The following SNTG1 variants were observed in gnomAD, a reference collection of about 807,000 sequenced individuals.
SNTG1 encodes syntrophin gamma 1.
Under a neutral mutation model 74.7 loss-of-function variants are expected in SNTG1, and 39 were observed. That is an observed-to-expected ratio of 0.52 (90% CI 0.40 to 0.68). SNTG1 has a LOEUF of 0.68. Ranked by LOEUF, SNTG1 falls within the 30% of genes least tolerant of loss-of-function variation. SNTG1 has a pLI of 0.00. For missense variants in SNTG1, 685 were observed against 609.5 expected, an observed-to-expected ratio of 1.12 and a Z score of -1.30; for synonymous variants, 254 against 217.1, an observed-to-expected ratio of 1.17 and a Z score of -1.49.
intron 1 of SNTG1, among the ~76,000 whole-genome samples, chr8:49,959,896 G>A (rs1810525212): frequency 6.6e-6 from 1 of 152,132 alleles, no homozygotes; most frequent in South Asian, 2.1e-4. Context: ...ATCCTTTAAG[G>A]TAAAATGGAT....
At chr8:50,710,030 G>A (rs73678631) in intron 17 of SNTG1, among the ~76,000 whole-genome samples, 2,312 of 152,250 alleles carry the variant, frequency 0.015, 50 homozygotes, top group African/African-American at 0.052. Flanking sequence ...CTTGAGTTGG[G>A]AAAGATGAAT....
chr8:50,263,337 CAT>C (rs2087291932), intron 2 of SNTG1, among the ~76,000 whole-genome samples: 1 of 151,830 alleles, frequency 6.6e-6, no homozygotes, highest in Admixed American at 6.6e-5. Context: ...GATGATAAGA[CAT>C]ATAGAAAGAA....
chr8:49,942,967 C>CA (rs112859882), intron 1 of SNTG1, among the ~76,000 whole-genome samples: 4 of 152,248 alleles, frequency 2.6e-5, no homozygotes, highest in African/African-American at 7.2e-5. Flanking sequence ...TTATTATCTA[C>CA]AAAAAATATT....
chr8:50,489,719 T>C (rs2093833300), intron 8 of SNTG1, among the ~76,000 whole-genome samples: 1 of 152,224 alleles, frequency 6.6e-6, no homozygotes, highest in Non-Finnish European at 1.5e-5. Flanking sequence ...TCCCATTCTG[T>C]AGGTTGCCTG....
At chr8:50,064,477 CTTT>C (rs1820741626) in intron 1 of SNTG1, among the ~76,000 whole-genome samples, 2 of 152,294 alleles carry the variant, frequency 1.3e-5, no homozygotes, top group East Asian at 3.9e-4. Flanking sequence ...CCCGTTTGCA[CTTT>C]TTACCTTTGC....
chr8:49,978,046 G>A (rs16914130), intron 1 of SNTG1, among the ~76,000 whole-genome samples: 3,499 of 152,250 alleles, frequency 0.023, 135 homozygotes, highest in African/African-American at 0.078. Flanking sequence ...TATTTCCCAC[G>A]GGGCCTGTTG....
At position 50,637,728 on chromosome 8, in the gene SNTG1, G is replaced by A. The variant is rs574141475; in HGVS notation, c.850-19181G>A. 7.2e-4 allele frequency among the ~76,000 whole-genome samples: 110 copies of A among 151,850 alleles called. 1 individual carries two copies. The highest frequency in any genetic ancestry group is 1.9e-3 in the African/African-American group (79 of 41,432). On this transcript the variant is annotated intron_variant, in intron 13 of 18. Coordinates refer to ENST00000642720, the MANE Select transcript of SNTG1 (RefSeq NM_018967.5). ...CCCAGAAATAATTTGAATTGTTTAC[G>A]AATATATTTAAATTAGTCATATCAA...
At chr8:49,997,065 A>G (rs1814292407) in intron 1 of SNTG1, among the ~76,000 whole-genome samples, 1 of 152,142 alleles carries the variant, frequency 6.6e-6, no homozygotes, top group African/African-American at 2.4e-5. Context: ...CTACTTACTT[A>G]CTTTGTCCTT....
chr8:50,070,460 T>A (rs753654190), intron 1 of SNTG1, among the ~76,000 whole-genome samples: 1 of 152,196 alleles, frequency 6.6e-6, no homozygotes, highest in Non-Finnish European at 1.5e-5. Context: ...CAATCTGATT[T>A]TTTTTCCTCT....
intron 2 of SNTG1, among the ~76,000 whole-genome samples, chr8:50,287,898 C>T (rs1412208704): frequency 6.8e-6 from 1 of 146,900 alleles, no homozygotes; most frequent in Non-Finnish European, 1.6e-5. Context: ...CCTTTCCACC[C>T]CTCTGTGTCC....
At chr8:50,660,979 C>T (rs905283783) in intron 15 of SNTG1, among the ~76,000 whole-genome samples, 2 of 152,072 alleles carry the variant, frequency 1.3e-5, no homozygotes, top group African/African-American at 4.8e-5. Flanking sequence ...CCATCATTTG[C>T]TTGTATTCAT....
chr8:50,724,338 CT>C (rs749722239), intron 17 of SNTG1, among the ~76,000 whole-genome samples: 7 of 152,122 alleles, frequency 4.6e-5, no homozygotes, highest in Admixed American at 2.0e-4. Flanking sequence ...ATGTTTTCCT[CT>C]TATCTGAGTT....
chr8:50,637,250 G>A (rs552938615), intron 13 of SNTG1, among the ~76,000 whole-genome samples: 2 of 152,128 alleles, frequency 1.3e-5, no homozygotes, highest in Middle Eastern at 3.4e-3. Context: ...GGTGTTTTAC[G>A]ATGATTAAAA....
chr8:50,070,136 A>G (rs1226287080), intron 1 of SNTG1, among the ~76,000 whole-genome samples: 1 of 152,218 alleles, frequency 6.6e-6, no homozygotes, highest in Non-Finnish European at 1.5e-5. Context: ...AGGTATTTTA[A>G]TGCAAATCAA....
At chr8:50,425,832 G>T (rs572039002) in intron 4 of SNTG1, among the ~76,000 whole-genome samples, 41 of 152,144 alleles carry the variant, frequency 2.7e-4, no homozygotes, top group Non-Finnish European at 5.0e-4. Context: ...AAACACTTAG[G>T]AGATGCAATG....
intron 1 of SNTG1, among the ~76,000 whole-genome samples, chr8:50,131,344 A>G (rs965885586): frequency 6.6e-6 from 1 of 152,138 alleles, no homozygotes; most frequent in Non-Finnish European, 1.5e-5. Flanking sequence ...TGAAAAATAA[A>G]AATTGTATAT....
At chr8:50,381,592 G>GTA (rs55881205) in intron 2 of SNTG1, among the ~76,000 whole-genome samples, 7,010 of 97,906 alleles carry the variant, frequency 0.072, 407 homozygotes, top group Non-Finnish European at 0.096. Flanking sequence ...GTGTGTGTGT[G>GTA]TATATATATA....
At chr8:49,947,277 A>G (rs748803278) in intron 1 of SNTG1, among the ~76,000 whole-genome samples, 2 of 152,116 alleles carry the variant, frequency 1.3e-5, no homozygotes, top group Admixed American at 6.6e-5. Flanking sequence ...TCCAGTCTGG[A>G]TGATAAGAGC....
chr8:50,396,332 C>A (rs914939350), intron 3 of SNTG1, among the ~76,000 whole-genome samples: 1 of 152,070 alleles, frequency 6.6e-6, no homozygotes, highest in African/African-American at 2.4e-5. Context: ...TTAATGGAAT[C>A]CAAGTGTTCA....
Sources: gnomAD v4.1 joint callset for allele counts (sites outside exome capture counted in the v4.1 genomes callset) on GRCh38, gnomAD v4.1.1 for gene constraint, MANE v1.5 for transcripts, NCBI Gene and HGNC (gene_info 2026-07-23, HGNC 2026-07-21) for gene names.